Variants in SPAG16 observed in about 807,000 individuals in gnomAD.
SPAG16 encodes sperm-associated antigen 16 protein.
SPAG16 carries 86 observed loss-of-function variants against 80.4 expected under a neutral mutation model. That is an observed-to-expected ratio of 1.07 (90% CI 0.90 to 1.28). The LOEUF (loss-of-function observed/expected upper bound fraction) is 1.28, where lower values mean the gene tolerates loss of function less well. Ranked by LOEUF, SPAG16 falls within the 50% of genes most tolerant of loss-of-function variation. The probability of loss-of-function intolerance (pLI) is 0.00; values close to 1 mark genes in which losing one functional copy is unlikely to be tolerated. For synonymous variants in SPAG16, 294 were observed against 265.9 expected (o/e 1.11, Z -1.03); for missense variants, 870 against 765.3 (o/e 1.14, Z -1.61).
At chr2:213,958,002 G>A (rs1376796139) in intron 12 of SPAG16, among the ~76,000 whole-genome samples, 2 of 152,162 alleles carry the variant, frequency 1.3e-5, no homozygotes, top group Non-Finnish European at 2.9e-5. Flanking sequence ...AAGCCCATTA[G>A]ATAACCAGAA....
At chr2:213,620,673 G>A (rs759162236) in intron 10 of SPAG16, among the ~76,000 whole-genome samples, 1 of 151,986 alleles carries the variant, frequency 6.6e-6, no homozygotes. Flanking sequence ...TGAGGTTATG[G>A]ATATGCTAAT....
At chr2:213,668,742 G>A (rs1320730425) in intron 10 of SPAG16, among the ~76,000 whole-genome samples, 16 of 151,950 alleles carry the variant, frequency 1.1e-4, no homozygotes, top group Admixed American at 1.0e-3. Flanking sequence ...TCCACCTCCC[G>A]GGTTCAAGCG....
At chr2:213,622,784 T>C (rs951226982) in intron 10 of SPAG16, among the ~76,000 whole-genome samples, 1 of 152,150 alleles carries the variant, frequency 6.6e-6, no homozygotes, top group Admixed American at 6.5e-5. Context: ...AACTTTTTGG[T>C]AGAAAAAATT....
At chr2:214,079,347 G>T (rs2051246681) in intron 13 of SPAG16, among the ~76,000 whole-genome samples, 1 of 152,068 alleles carries the variant, frequency 6.6e-6, no homozygotes, top group African/African-American at 2.4e-5. Context: ...ATATATCAAT[G>T]CCCTCGAGAA....
intron 13 of SPAG16, among the ~76,000 whole-genome samples, chr2:214,103,471 A>G (rs1281581650): frequency 6.6e-6 from 1 of 152,120 alleles, no homozygotes; most frequent in Non-Finnish European, 1.5e-5. Flanking sequence ...TACTCTAATG[A>G]CTGGTTGTAA....
intron 10 of SPAG16, among the ~76,000 whole-genome samples, chr2:213,542,199 T>C (rs1456573843): frequency 6.6e-6 from 1 of 152,198 alleles, no homozygotes; most frequent in Admixed American, 6.5e-5. Context: ...TATTATGTAA[T>C]TTAAATTAAG....
At chr2:214,295,514 G>C (rs1694070422) in intron 15 of SPAG16, among the ~76,000 whole-genome samples, 1 of 152,166 alleles carries the variant, frequency 6.6e-6, no homozygotes, top group Non-Finnish European at 1.5e-5. Flanking sequence ...ATGAAGGCCA[G>C]GGACAGTGGC....
At chr2:213,873,556 T>C (rs2076029876) in intron 11 of SPAG16, among the ~76,000 whole-genome samples, 1 of 151,950 alleles carries the variant, frequency 6.6e-6, no homozygotes, top group Admixed American at 6.6e-5. Context: ...CTTCTTTTTC[T>C]ACTTGCTTAA....
At position 213,579,494 on chromosome 2, in the gene SPAG16, A is replaced by G. The variant is rs376797230; in HGVS notation, c.1070+89404A>G. On this transcript the variant is annotated intron_variant, in intron 10 of 15. Coordinates refer to ENST00000331683, the MANE Select transcript of SPAG16 (RefSeq NM_024532.5). The stretch of plus-strand genomic sequence containing the variant: ...ACCTAATAATTGACAATTCTCATTA[A>G]TTTTCATTTGATCTAAAATAAGTGC... Among the ~76,000 whole-genome samples, 3 of 152,276 alleles carry G rather than the reference A, an allele frequency of 2.0e-5. No homozygotes were observed. In the East Asian group the frequency reaches 5.8e-4, roughly 29 times the overall value.
chr2:214,085,500 A>C (rs2125283968), intron 13 of SPAG16, among the ~76,000 whole-genome samples: 1 of 152,320 alleles, frequency 6.6e-6, no homozygotes, highest in Non-Finnish European at 1.5e-5. Context: ...TGGTCCTAGC[A>C]ACAACATGGA....
At chr2:213,342,284 T>C (rs2064726672) in intron 6 of SPAG16, among the ~76,000 whole-genome samples, 1 of 148,854 alleles carries the variant, frequency 6.7e-6, no homozygotes, top group Non-Finnish European at 1.5e-5. Context: ...TACATACATA[T>C]GTATATATAT....
chr2:213,817,055 A>G (rs903251877), intron 10 of SPAG16, among the ~76,000 whole-genome samples: 1 of 151,868 alleles, frequency 6.6e-6, no homozygotes, highest in Non-Finnish European at 1.5e-5. Flanking sequence ...GCAAACTTAT[A>G]AAACAGATAA....
chr2:214,394,881 C>T (rs1701277543), intron 15 of SPAG16, among the ~76,000 whole-genome samples: 1 of 152,210 alleles, frequency 6.6e-6, no homozygotes, highest in Non-Finnish European at 1.5e-5. Flanking sequence ...TACCTCCCCA[C>T]AACTCCTGGC....
rs374083324 is a variant in SPAG16 at position 213,935,679 on chromosome 2, G to C, written c.1400+5534G>C. Among the ~76,000 whole-genome samples the C allele has an allele frequency of 5.9e-5, 9 of 152,290 alleles. No individual in the cohort carries two copies. In the East Asian group the frequency reaches 7.7e-4, roughly 13 times the overall value. On this transcript the variant is annotated intron_variant, in intron 12 of 15. Transcript: ENST00000331683. ...CACTGAAATAATGAAAAACGCCAAG[G>C]ATTTAAATTTTATGTTAGCATTGAC...
chr2:213,298,786 A>C (rs71426333), intron 3 of SPAG16, among the ~76,000 whole-genome samples: 1 of 152,176 alleles, frequency 6.6e-6, no homozygotes, highest in Non-Finnish European at 1.5e-5. Context: ...ACATGAGTTA[A>C]CATTCTTGAT....
intron 15 of SPAG16, among the ~76,000 whole-genome samples, chr2:214,178,356 A>T (rs1280006412): frequency 6.6e-6 from 1 of 151,098 alleles, no homozygotes; most frequent in East Asian, 1.9e-4. Flanking sequence ...AGTGAGGGTA[A>T]TCAATGTGAA....
intron 9 of SPAG16, among the ~76,000 whole-genome samples, chr2:213,384,757 C>A (rs1234250845): frequency 6.6e-6 from 1 of 152,188 alleles, no homozygotes; most frequent in Non-Finnish European, 1.5e-5. Flanking sequence ...GGTTGCTGCT[C>A]TCAGTATCCT....
intron 15 of SPAG16, among the ~76,000 whole-genome samples, chr2:214,304,963 C>G (rs1373497036): frequency 6.6e-6 from 1 of 152,206 alleles, no homozygotes; most frequent in African/African-American, 2.4e-5. Flanking sequence ...CTGTCTTCCA[C>G]AATGGCTGAA....
At chr2:213,836,937 C>T (rs2074119881) in intron 10 of SPAG16, among the ~76,000 whole-genome samples, 2 of 147,036 alleles carry the variant, frequency 1.4e-5, no homozygotes, top group African/African-American at 4.9e-5. Context: ...CTTTATGCCT[C>T]CAACAGTGCC....
Sources: allele counts gnomAD v4.1 joint callset (sites outside exome capture counted in the v4.1 genomes callset), GRCh38; gene constraint gnomAD v4.1.1; transcripts MANE v1.5; gene names NCBI Gene and HGNC (gene_info 2026-07-23, HGNC 2026-07-21).